ROBO1: variants seen among roughly 807,000 people sequenced by gnomAD.
The protein encoded by ROBO1 is roundabout homolog 1.
ROBO1 carries 149 observed loss-of-function variants against 195.9 expected under a neutral mutation model. That is an observed-to-expected ratio of 0.76 (90% CI 0.67 to 0.87). The LOEUF is 0.87. Among genes scored for constraint, ROBO1 ranks in the 40% least tolerant of loss-of-function variants. The probability of loss-of-function intolerance (pLI) is 0.00; values close to 1 mark genes in which losing one functional copy is unlikely to be tolerated. For missense variants in ROBO1, 1,933 were observed against 2,068.3 expected, an observed-to-expected ratio of 0.93 and a Z score of 1.27; for synonymous variants, 816 against 733.2, an observed-to-expected ratio of 1.11 and a Z score of -1.82.
intron 2 of ROBO1, among the ~76,000 whole-genome samples, chr3:79,561,096 A>G (rs1333190949): frequency 7.1e-6 from 1 of 140,398 alleles, no homozygotes; most frequent in East Asian, 2.0e-4. Flanking sequence ...TACTGTCACC[A>G]CCAGAAAAAA....
At chr3:79,756,110 G>T (rs930185541) in intron 1 of ROBO1, among the ~76,000 whole-genome samples, 9 of 151,782 alleles carry the variant, frequency 5.9e-5, no homozygotes, top group Admixed American at 4.6e-4. Context: ...CAGTCCATAG[G>T]GCAGATGCAT....
At chr3:79,264,743 A>G (rs1388172304) in intron 2 of ROBO1, among the ~76,000 whole-genome samples, 1 of 151,952 alleles carries the variant, frequency 6.6e-6, no homozygotes, top group Non-Finnish European at 1.5e-5. Context: ...GAAGCTTCAT[A>G]TACAAGGCAT....
intron 20 of ROBO1, among the ~76,000 whole-genome samples, chr3:78,647,357 T>C (rs1039951435): frequency 6.6e-6 from 1 of 152,028 alleles, no homozygotes; most frequent in Admixed American, 6.6e-5. Flanking sequence ...ATGCTGAAGG[T>C]AGAGACAGTG....
intron 26 of ROBO1, among the ~76,000 whole-genome samples, chr3:78,620,548 C>T (rs1200516749): frequency 6.6e-6 from 1 of 151,932 alleles, no homozygotes; most frequent in Non-Finnish European, 1.5e-5. Context: ...GCTTTTTATC[C>T]CAATGAATTT....
At chr3:79,540,788 C>T (rs1056801707) in intron 2 of ROBO1, among the ~76,000 whole-genome samples, 1 of 152,058 alleles carries the variant, frequency 6.6e-6, no homozygotes, top group Non-Finnish European at 1.5e-5. Flanking sequence ...TTTGTGTGCA[C>T]CTCTATGCTC....
chr3:79,039,207 G>A (rs1451194766), intron 3 of ROBO1, among the ~76,000 whole-genome samples: 1 of 152,122 alleles, frequency 6.6e-6, no homozygotes, highest in African/African-American at 2.4e-5. Flanking sequence ...AAAAAATAAA[G>A]GTAACTGCTC....
intron 3 of ROBO1, among the ~76,000 whole-genome samples, chr3:78,990,290 C>A (rs1285785195): frequency 6.6e-6 from 1 of 152,200 alleles, no homozygotes; most frequent in African/African-American, 2.4e-5. Context: ...TAATATTCCA[C>A]GATGTTAAAT....
chr3:79,544,971 A>G, intron 2 of ROBO1, among the ~76,000 whole-genome samples: 1 of 152,162 alleles, frequency 6.6e-6, no homozygotes, highest in East Asian at 1.9e-4. Flanking sequence ...ATGAAATAAT[A>G]CATGTTCATT....
chr3:78,646,156 A>G lies in ROBO1; in HGVS notation c.2874T>C (p.Ser958=). 8 of 1,606,870 alleles carry G rather than the reference A, an allele frequency of 5.0e-6. No homozygotes were observed. The highest frequency in any genetic ancestry group is 6.8e-6 in the Non-Finnish European group (8 of 1,175,148). ...ACAAGCAAGATAATTACCTCCCTCCACTGCTGACAGCTTCGCCTCCTCTCT... is the reference window on the plus strand; with the variant it reads ...ACAAGCAAGATAATTACCTCCCTCCGCTGCTGACAGCTTCGCCTCCTCTCT... ...TYQRGGEAVS[S]GGRPGLLNIS... is the part of the protein sequence containing the mutation. Residue 958 remains serine (S), a synonymous_variant, in exon 21 of 31, where the codon AGT becomes AGC. Transcript: ENST00000464233.
chr3:79,007,338 A>G (rs2077648872), intron 3 of ROBO1, among the ~76,000 whole-genome samples: 1 of 152,194 alleles, frequency 6.6e-6, no homozygotes, highest in Admixed American at 6.6e-5. Context: ...ATGAAGAAAT[A>G]ATTCCCGACA....
intron 2 of ROBO1, among the ~76,000 whole-genome samples, chr3:79,316,736 A>T (rs1450307359): frequency 6.6e-6 from 1 of 152,076 alleles, no homozygotes; most frequent in Non-Finnish European, 1.5e-5. Context: ...GGGGTTATTA[A>T]GTATTTTACT....
At chr3:78,664,307 G>A (rs138121032) in intron 14 of ROBO1, among the ~76,000 whole-genome samples, 27 of 152,242 alleles carry the variant, frequency 1.8e-4, no homozygotes, top group South Asian at 1.2e-3. Context: ...CCTCAGAGGG[G>A]AGCCTATCCA....
chr3:79,515,196 T>C (rs1940891424), intron 2 of ROBO1, among the ~76,000 whole-genome samples: 1 of 152,160 alleles, frequency 6.6e-6, no homozygotes, highest in Non-Finnish European at 1.5e-5. Context: ...CCAGTGCTCA[T>C]GCATTATGAA....
In ROBO1 at chr3:79,686,086, A is replaced by G. The variant is rs868115678; in HGVS notation, c.-51+81666T>C. Among the ~76,000 whole-genome samples the G allele has an allele frequency of 8.5e-4, 129 of 152,302 alleles. 1 individual carries two copies. The highest frequency in any genetic ancestry group is 3.0e-3 in the African/African-American group (125 of 41,580). ...GTTCAACATATGCAAATCAATAAACATAATCCAGCATATAAACAGAACCAA... is the reference window on the plus strand; with the variant it reads ...GTTCAACATATGCAAATCAATAAACGTAATCCAGCATATAAACAGAACCAA... On this transcript the variant is annotated intron_variant, in intron 1 of 30. Coordinates refer to ENST00000464233, the MANE Select transcript of ROBO1 (RefSeq NM_002941.4).
chr3:79,010,816 T>C (rs952270221), intron 3 of ROBO1, among the ~76,000 whole-genome samples: 1 of 152,188 alleles, frequency 6.6e-6, no homozygotes, highest in Non-Finnish European at 1.5e-5. Context: ...ATAGCAATGA[T>C]CTTGTCAGTG....
chr3:79,020,927 T>C (rs986772430), intron 3 of ROBO1, among the ~76,000 whole-genome samples: 4 of 152,184 alleles, frequency 2.6e-5, no homozygotes, highest in Non-Finnish European at 4.4e-5. Flanking sequence ...CATAGTGTTG[T>C]GCTTTTCCAT....
In ROBO1 at chr3:78,685,837, A is replaced by T. The variant is rs756495167; in HGVS notation, c.1251T>A (p.Asn417Lys). The change falls in exon 10 of 31, where the codon AAT becomes AAA. Residue 417 changes from asparagine (N) to lysine (K), a missense_variant. By Grantham distance (94) the Asn-to-Lys change is moderately conservative. Transcript: ENST00000464233. The stretch of plus-strand genomic sequence containing the variant: ...AATAACCAACATCAGATCGCTGGAC[A>T]TTAGTAATTGTGAGGTCGCCAGTCT... ...VSQTGDLTIT[N>K]VQRSDVGYYI... The T allele has an allele frequency of 2.5e-6, 4 of 1,611,772 alleles. No homozygotes were observed. The East Asian group carries it at 8.9e-5, about 36-fold the overall frequency.
intron 23 of ROBO1, 147 bp downstream of exon 23, chr3:78,635,626 C>T: frequency 1.6e-6 from 1 of 639,062 alleles, no homozygotes; most frequent in Non-Finnish European, 2.6e-6. Flanking sequence ...CTCTTTGACA[C>T]TGGAAATTTT....
intron 1 of ROBO1, among the ~76,000 whole-genome samples, chr3:79,649,379 T>A (rs1424979931): frequency 6.6e-6 from 1 of 152,088 alleles, no homozygotes; most frequent in Non-Finnish European, 1.5e-5. Context: ...CTATCTATAG[T>A]TATACTGCAA....
Sources: allele counts gnomAD v4.1 joint callset (sites outside exome capture counted in the v4.1 genomes callset), GRCh38; gene constraint gnomAD v4.1.1; transcripts MANE v1.5; gene names NCBI Gene and HGNC (gene_info 2026-07-23, HGNC 2026-07-21).